The following ITGA9 variants were observed in gnomAD, a reference collection of about 807,000 sequenced individuals.
The protein encoded by ITGA9 is integrin alpha-9.
ITGA9 carries 56 observed loss-of-function variants against 127.8 expected under a neutral mutation model. That is an observed-to-expected ratio of 0.44 (90% confidence interval 0.35 to 0.55). The LOEUF (loss-of-function observed/expected upper bound fraction) is 0.55, where lower values mean the gene tolerates loss of function less well. Among genes scored for constraint, ITGA9 ranks in the 20% least tolerant of loss-of-function variants. ITGA9 has a pLI of 0.00. For synonymous variants in ITGA9, 508 were observed against 514.5 expected (o/e 0.99, Z 0.17); for missense variants, 1,196 against 1,347.1 (o/e 0.89, Z 1.76).
intron 15 of ITGA9, among the ~76,000 whole-genome samples, chr3:37,619,546 G>T (rs953571520): frequency 1.3e-5 from 2 of 152,132 alleles, no homozygotes; most frequent in Non-Finnish European, 2.9e-5. Flanking sequence ...AGGGGGATGG[G>T]GTGTTATCCT....
At chr3:37,652,819 G>A (rs749572516) in intron 16 of ITGA9, among the ~76,000 whole-genome samples, 21 of 152,202 alleles carry the variant, frequency 1.4e-4, no homozygotes, top group Non-Finnish European at 2.4e-4. Flanking sequence ...GTAGTGAAGA[G>A]TCTCTGTCAT....
At chr3:37,741,609 CA>C in intron 20 of ITGA9, 120 bp from the exon 21 acceptor site, 3 of 766,378 alleles carry the variant, frequency 3.9e-6, no homozygotes, top group Non-Finnish European at 6.9e-6. Flanking sequence ...AGACTGAAGG[CA>C]ATGAGGTGCC....
chr3:37,616,486 T>C (rs1188771187), intron 15 of ITGA9, among the ~76,000 whole-genome samples: 3 of 152,222 alleles, frequency 2.0e-5, no homozygotes, highest in Non-Finnish European at 4.4e-5. Context: ...TAGGTCCACT[T>C]GGTGCAGAGC....
At chr3:37,788,146 T>G (rs1418379755) in intron 26 of ITGA9, among the ~76,000 whole-genome samples, 1 of 152,230 alleles carries the variant, frequency 6.6e-6, no homozygotes, top group Non-Finnish European at 1.5e-5. Context: ...AATGCCTCAT[T>G]CTGTTATCAC....
intron 23 of ITGA9, among the ~76,000 whole-genome samples, chr3:37,773,275 C>A (rs2125548260): frequency 6.6e-6 from 1 of 152,318 alleles, no homozygotes; most frequent in South Asian, 2.1e-4. Context: ...TTCTCTAAAC[C>A]CAGACCAAAT....
At chr3:37,695,159 T>G (rs1700871541) in intron 18 of ITGA9, among the ~76,000 whole-genome samples, 1 of 152,108 alleles carries the variant, frequency 6.6e-6, no homozygotes, top group South Asian at 2.1e-4. Context: ...AAGGGCCACT[T>G]AGGGAGGAAT....
In ITGA9 at chr3:37,784,989, G is replaced by C. The variant is rs767289987; in HGVS notation, c.2800G>C (p.Val934Leu). ...TEILKKDSSS[V>L]IQFMSRAKVK... is the part of the protein sequence containing the mutation. ...GTTTCTTCCACAGGACAGTTCGTCT[G>C]TCATCCAGTTCATGTCCCGCGCCAA... The change falls in exon 26 of 28, where the codon GTC (valine) becomes CTC (leucine). Residue 934 changes from valine (V) to leucine (L), a missense_variant. Coordinates refer to ENST00000264741, the MANE Select transcript of ITGA9 (RefSeq NM_002207.3). 1.1e-5 allele frequency: 18 copies of C among 1,613,960 alleles called. No individual in the cohort carries two copies. The highest frequency in any genetic ancestry group is 1.4e-5 in the Non-Finnish European group (16 of 1,179,814).
chr3:37,469,504 T>C (rs1489865937), intron 1 of ITGA9, among the ~76,000 whole-genome samples: 1 of 152,192 alleles, frequency 6.6e-6, no homozygotes, highest in Non-Finnish European at 1.5e-5. Context: ...TATACAGTTA[T>C]CACAAATTTG....
rs754984469 is a variant in ITGA9 at position 37,471,109 on chromosome 3, A to G, written c.288A>G (p.Arg96=). ...GTGTTCACACCAACCCTGACCGGAG[A>G]TGCACCGAACTGGACATGGCTCGAG... ...KCRVHTNPDR[R]CTELDMARGK... is the part of the protein sequence containing the mutation. Residue 96 remains arginine, a synonymous_variant, in exon 2 of 28, where the codon AGA becomes AGG. Coordinates refer to ENST00000264741, the MANE Select transcript of ITGA9 (RefSeq NM_002207.3). 2.5e-6 allele frequency: 4 copies of G among 1,613,830 alleles called. No homozygotes were observed. Among genetic ancestry groups the G allele is most frequent in the Admixed American group, 1.7e-5 (1 of 59,992 alleles).
At chr3:37,605,445 A>G (rs541739588) in intron 15 of ITGA9, among the ~76,000 whole-genome samples, 98 of 152,240 alleles carry the variant, frequency 6.4e-4, no homozygotes, top group African/African-American at 2.3e-3. Context: ...GCAAGCAGAG[A>G]GTCTGAGGTG....
chr3:37,581,244 GT>G (rs1417277770), intron 15 of ITGA9, among the ~76,000 whole-genome samples: 2 of 152,194 alleles, frequency 1.3e-5, no homozygotes, highest in Non-Finnish European at 2.9e-5. Flanking sequence ...CTGGACTAGT[GT>G]GGTCACAGAG....
At chr3:37,690,100 T>C (rs1450535790) in intron 18 of ITGA9, among the ~76,000 whole-genome samples, 1 of 152,222 alleles carries the variant, frequency 6.6e-6, no homozygotes, top group Non-Finnish European at 1.5e-5. Flanking sequence ...GGATAAGTGC[T>C]TAAGGTACAT....
At chr3:37,613,753 A>G (rs1176323391) in intron 15 of ITGA9, among the ~76,000 whole-genome samples, 2 of 152,198 alleles carry the variant, frequency 1.3e-5, no homozygotes, top group African/African-American at 4.8e-5. Context: ...TTGGCTGCAT[A>G]AATGTCTTCT....
Position 37,597,209 on chromosome 3 carries a change from A to G in ITGA9, c.1690-31978A>G, listed in dbSNP as rs934027714. On this transcript the variant is annotated intron_variant, in intron 15 of 27. Coordinates refer to ENST00000264741, the MANE Select transcript of ITGA9 (RefSeq NM_002207.3). The surrounding 1 kb of genome is among the most constrained non-coding windows in gnomAD (Gnocchi z 4.6). ...TGGGATTATTCTGGAGATTAAAGCA[A>G]TGGAAAGACTTTTCATGATCTAAGA... 6.6e-6 allele frequency among the ~76,000 whole-genome samples: 1 copy of G among 152,224 alleles called. No homozygotes were observed. Among genetic ancestry groups the G allele is most frequent in the African/African-American group, 2.4e-5 (1 of 41,462 alleles).
At chr3:37,589,691 C>T (rs941048797) in intron 15 of ITGA9, among the ~76,000 whole-genome samples, 5 of 152,180 alleles carry the variant, frequency 3.3e-5, no homozygotes, top group African/African-American at 9.6e-5. Context: ...CGGAAACAGC[C>T]GGTGCAAAGG....
chr3:37,592,506 C>T (rs770060444), intron 15 of ITGA9, among the ~76,000 whole-genome samples: 1 of 152,184 alleles, frequency 6.6e-6, no homozygotes, highest in African/African-American at 2.4e-5. Context: ...TACCGACTTT[C>T]CATTGGTGGG....
chr3:37,471,339 C>CCAT (rs897414020), intron 2 of ITGA9, among the ~76,000 whole-genome samples: 1 of 152,106 alleles, frequency 6.6e-6, no homozygotes, highest in Non-Finnish European at 1.5e-5. Flanking sequence ...AAGGATGCTG[C>CCAT]CATCCCTAGT....
At chr3:37,619,399 G>T (rs1220044353) in intron 15 of ITGA9, among the ~76,000 whole-genome samples, 1 of 152,180 alleles carries the variant, frequency 6.6e-6, no homozygotes, top group Non-Finnish European at 1.5e-5. Context: ...TTTATTGGGG[G>T]AGTGCTCTCA....
intron 18 of ITGA9, among the ~76,000 whole-genome samples, chr3:37,708,738 C>T (rs1701041731): frequency 6.6e-6 from 1 of 150,722 alleles, no homozygotes; most frequent in African/African-American, 2.4e-5. Context: ...CCTGGATTAT[C>T]CCTTTTTACA....
Sources: allele counts gnomAD v4.1 joint callset (sites outside exome capture counted in the v4.1 genomes callset), GRCh38; gene constraint gnomAD v4.1.1; non-coding constraint Gnocchi (gnomAD v3.1); transcripts MANE v1.5; gene names NCBI Gene and HGNC (gene_info 2026-07-23, HGNC 2026-07-21).